The following GAB2 variants were observed in gnomAD, a reference collection of about 807,000 sequenced individuals.
GAB2 encodes the protein GRB2-associated-binding protein 2.
In GAB2, 26 loss-of-function variants were observed where a neutral mutation model predicts 65.5. The ratio of observed to expected loss-of-function variants is 0.40; its 90% CI spans 0.29 to 0.55. The LOEUF is 0.55. Ranked by LOEUF, GAB2 falls within the 20% of genes least tolerant of loss-of-function variation. The pLI, the probability that GAB2 is intolerant of heterozygous loss-of-function variation, is 0.53. For missense variants in GAB2, 884 were observed against 875.8 expected, an observed-to-expected ratio of 1.01 and a Z score of -0.12; for synonymous variants, 321 against 329.6, an observed-to-expected ratio of 0.97 and a Z score of 0.28.
At chr11:78,322,797 TA>T (rs34497179) in intron 1 of GAB2, among the ~76,000 whole-genome samples, 25,399 of 117,734 alleles carry the variant, frequency 0.22, 2,465 homozygotes, top group East Asian at 0.45. Flanking sequence ...TACTGAAAAG[TA>T]AAAAAAAAAA....
At chr11:78,358,440 A>G (rs917165149) in intron 1 of GAB2, among the ~76,000 whole-genome samples, 3 of 63,010 alleles carry the variant, frequency 4.8e-5, no homozygotes, top group African/African-American at 1.7e-4. Context: ...AACTTAAAAT[A>G]TAATAATAAT....
At chr11:78,237,818 A>G (rs1318491270) in intron 3 of GAB2, among the ~76,000 whole-genome samples, 1 of 152,186 alleles carries the variant, frequency 6.6e-6, no homozygotes, top group African/African-American at 2.4e-5. Context: ...AAAATGTGGT[A>G]CCTATATACC....
At chr11:78,349,918 G>C (rs1856249077) in intron 1 of GAB2, among the ~76,000 whole-genome samples, 1 of 150,354 alleles carries the variant, frequency 6.7e-6, no homozygotes, top group Non-Finnish European at 1.5e-5. Context: ...ACAGATGACA[G>C]AGGTAAAAAA....
At chr11:78,288,617 C>T (rs868168592) in intron 1 of GAB2, among the ~76,000 whole-genome samples, 15 of 151,502 alleles carry the variant, frequency 9.9e-5, no homozygotes, top group Middle Eastern at 3.2e-3. Context: ...AGGTATAAAT[C>T]TAAAAAAATC....
intron 1 of GAB2, among the ~76,000 whole-genome samples, chr11:78,377,009 C>T (rs1856639690): frequency 6.6e-6 from 1 of 152,132 alleles, no homozygotes; most frequent in Admixed American, 6.5e-5. Context: ...TCAAGCTTGC[C>T]CCTGCTTTCG....
chr11:78,360,423 A>T (rs1591064865), intron 1 of GAB2, among the ~76,000 whole-genome samples: 4 of 151,114 alleles, frequency 2.6e-5, no homozygotes, highest in Admixed American at 2.0e-4. Flanking sequence ...GAAGAGGAGG[A>T]GGAAAGAAAA....
intron 1 of GAB2, among the ~76,000 whole-genome samples, chr11:78,356,704 G>C (rs1019030453): frequency 2.6e-5 from 4 of 152,168 alleles, no homozygotes; most frequent in African/African-American, 9.7e-5. Context: ...AAGAAGTAAG[G>C]AATCTGTAGA....
intron 1 of GAB2, among the ~76,000 whole-genome samples, chr11:78,306,225 T>A (rs1196164756): frequency 6.6e-6 from 1 of 152,190 alleles, no homozygotes; most frequent in Non-Finnish European, 1.5e-5. Context: ...TATACTTTTT[T>A]ATTTTTATTT....
chr11:78,346,787 A>G (rs2134698857), intron 1 of GAB2, among the ~76,000 whole-genome samples: 1 of 147,904 alleles, frequency 6.8e-6, no homozygotes, highest in East Asian at 2.0e-4. Flanking sequence ...GACTCTTTCA[A>G]GATGACAAAA....
intron 5 of GAB2, among the ~76,000 whole-genome samples, 173 bp from the exon 6 acceptor site, chr11:78,223,849 G>A (rs1450698580): frequency 6.6e-6 from 1 of 152,200 alleles, no homozygotes; most frequent in Non-Finnish European, 1.5e-5. Context: ...GGGAGGCTGA[G>A]GCAGGTGGAT....
chr11:78,363,537 G>T (rs956518477), intron 1 of GAB2, among the ~76,000 whole-genome samples: 1 of 151,840 alleles, frequency 6.6e-6, no homozygotes, highest in Non-Finnish European at 1.5e-5. Flanking sequence ...AAAAATGTCT[G>T]CTTTCCAGGG....
intron 1 of GAB2, among the ~76,000 whole-genome samples, chr11:78,339,352 C>A (rs1203436231): frequency 6.6e-6 from 1 of 151,852 alleles, no homozygotes; most frequent in East Asian, 1.9e-4. Context: ...TTTTTTGCAC[C>A]CATTTGGGGT....
chr11:78,371,392 A>G (rs1483664200), intron 1 of GAB2, among the ~76,000 whole-genome samples: 3 of 152,336 alleles, frequency 2.0e-5, no homozygotes, highest in Non-Finnish European at 4.4e-5. Context: ...AGGATATTAC[A>G]TGGTTATAGT....
intron 1 of GAB2, among the ~76,000 whole-genome samples, chr11:78,374,067 A>C (rs1856604332): frequency 6.6e-6 from 1 of 152,226 alleles, no homozygotes; most frequent in East Asian, 1.9e-4. Context: ...CAAGGATTTG[A>C]CAAATCAGAG....
chr11:78,335,992 C>T (rs1855990487), intron 1 of GAB2, among the ~76,000 whole-genome samples: 1 of 151,556 alleles, frequency 6.6e-6, no homozygotes, highest in South Asian at 2.1e-4. Context: ...TTATTTGTGG[C>T]TACTATAAAT....
At chr11:78,281,628 C>A (rs1372737817) in intron 1 of GAB2, among the ~76,000 whole-genome samples, 1 of 152,180 alleles carries the variant, frequency 6.6e-6, no homozygotes, top group Non-Finnish European at 1.5e-5. Context: ...CATGACCTGT[C>A]CCCTTTTCAG....
intron 2 of GAB2, among the ~76,000 whole-genome samples, chr11:78,253,122 G>T (rs576972310): frequency 6.8e-6 from 1 of 146,236 alleles, no homozygotes; most frequent in South Asian, 2.2e-4. Context: ...GTGATACTCC[G>T]GCCTCAGCCT....
chr11:78,270,496 G>A (rs375037225), intron 2 of GAB2, among the ~76,000 whole-genome samples: 6 of 152,100 alleles, frequency 3.9e-5, no homozygotes, highest in African/African-American at 1.4e-4. Context: ...AGCCATAGAC[G>A]GTAGTCAAAA....
At chr11:78,329,156 A>G (rs1025205213) in intron 1 of GAB2, among the ~76,000 whole-genome samples, 2 of 152,198 alleles carry the variant, frequency 1.3e-5, no homozygotes, top group African/African-American at 4.8e-5. Context: ...TAATTGTAAA[A>G]TTCTTTCAAT....
Sources: gnomAD v4.1 joint callset for allele counts (sites outside exome capture counted in the v4.1 genomes callset) on GRCh38, gnomAD v4.1.1 for gene constraint, MANE v1.5 for transcripts, NCBI Gene and HGNC (gene_info 2026-07-23, HGNC 2026-07-21) for gene names.